The following IFT172 variants were observed in gnomAD, a reference collection of about 807,000 sequenced individuals.
IFT172 encodes the protein intraflagellar transport 172.
Under a neutral mutation model 248.9 loss-of-function variants are expected in IFT172, and 164 were observed. The observed-to-expected ratio is 0.66, with a 90% confidence interval of 0.58 to 0.75. The LOEUF (loss-of-function observed/expected upper bound fraction) is 0.75, where lower values mean the gene tolerates loss of function less well. IFT172 is among the 30% of genes least tolerant of loss of function. IFT172 has a pLI of 0.00. For missense variants in IFT172, 1,950 were observed against 2,192.4 expected, an observed-to-expected ratio of 0.89 and a Z score of 2.21; for synonymous variants, 729 against 791.6, an observed-to-expected ratio of 0.92 and a Z score of 1.33.
At chr2:27,459,342 C>T in intron 25 of IFT172, 36 bp downstream of exon 25, 1 of 1,610,362 alleles carries the variant, frequency 6.2e-7, no homozygotes, top group Non-Finnish European at 8.5e-7. Context: ...TCCTCTACTG[C>T]ATTGCCTCGT....
intron 15 of IFT172, 63 bp downstream of exon 15, chr2:27,472,187 G>A (rs535734435): frequency 8.9e-7 from 1 of 1,129,364 alleles, no homozygotes; most frequent in Admixed American, 1.7e-5. Context: ...AGTCCCTGGT[G>A]GCAGCTTGTC....
At chr2:27,453,920 GCT>G in intron 33 of IFT172, 60 bp downstream of exon 33, 1 of 1,525,824 alleles carries the variant, frequency 6.6e-7, no homozygotes, top group Non-Finnish European at 8.9e-7. Context: ...GGTCAGTGTG[GCT>G]CTCTGTGGGC....
chr2:27,483,509 G>A (rs1179282028), intron 6 of IFT172, 71 bp downstream of exon 6: 3 of 1,524,844 alleles, frequency 2.0e-6, no homozygotes, highest in Non-Finnish European at 2.7e-6. Flanking sequence ...CTATGGTCTT[G>A]CAGTCCAGAC....
rs201062489 is a variant in IFT172, at chr2:27,457,850, A to G, written c.3102T>C (p.His1034=). 3 of 1,614,102 alleles carry G rather than the reference A, an allele frequency of 1.9e-6. No individual in the cohort carries two copies. Among genetic ancestry groups the G allele is most frequent in the Non-Finnish European group, 2.5e-6 (3 of 1,180,004 alleles). The change falls in exon 28 of 48, where the codon CAT becomes CAC. Residue 1034 remains histidine (H), a synonymous_variant. Transcript: ENST00000260570. ...CAGGAGAAGGGCTCACCTTGCCCAG[A>G]TGTAGGTGTGTATCACTGAGGAGAT... The part of the protein sequence containing the change: ...HPDLLSDTHL[H]LGKELEAEGR...
At chr2:27,457,324 C>T (rs1572748794) in intron 29 of IFT172, among the ~76,000 whole-genome samples, 1 of 152,044 alleles carries the variant, frequency 6.6e-6, no homozygotes, top group Admixed American at 6.6e-5. Flanking sequence ...AATCCCAACA[C>T]TTTGGGAGGC....
At chr2:27,449,630 C>T (rs1182845101) in intron 37 of IFT172, 61 bp downstream of exon 37, 5 of 1,610,208 alleles carry the variant, frequency 3.1e-6, no homozygotes, top group Non-Finnish European at 4.2e-6. Context: ...AAGACTTTCT[C>T]CCAGTCTTTA....
intron 35 of IFT172, among the ~76,000 whole-genome samples, chr2:27,452,570 A>T (rs1423023693): frequency 1.3e-5 from 2 of 152,250 alleles, no homozygotes. Context: ...CCTAGATGGT[A>T]TAGTCTACTA....
At chr2:27,466,142 C>A in intron 16 of IFT172, 1 of 477,752 alleles carries the variant, frequency 2.1e-6, no homozygotes, top group Non-Finnish European at 3.7e-6. Context: ...TCCAGCAGTA[C>A]CATAAGAGTA....
intron 16 of IFT172, among the ~76,000 whole-genome samples, chr2:27,468,533 C>T (rs934947468): frequency 7.2e-5 from 11 of 151,946 alleles, no homozygotes; most frequent in African/African-American, 2.7e-4. Flanking sequence ...TGTGCCCGGT[C>T]CTAAAAAAGA....
At chr2:27,486,238 T>C (rs1468345572) in intron 1 of IFT172, 1 of 167,092 alleles carries the variant, frequency 6.0e-6, no homozygotes, top group Non-Finnish European at 1.5e-5. Flanking sequence ...GCAAAGGAGT[T>C]TGGGCTTATT....
At chr2:27,459,064 T>C in intron 25 of IFT172, 196 bp from the exon 26 acceptor site, 1 of 647,782 alleles carries the variant, frequency 1.5e-6, no homozygotes, top group Non-Finnish European at 2.6e-6. Flanking sequence ...AACAGTGGAA[T>C]CCAAAAGGGC....
In IFT172 at chr2:27,449,228, C is replaced by T; in HGVS notation, c.4311+66G>A. 3 of 1,590,140 alleles carry T rather than the reference C, an allele frequency of 1.9e-6. No homozygotes were observed. The African/African-American group carries it at 4.0e-5, about 21-fold the overall frequency. The stretch of plus-strand genomic sequence containing the variant: ...TTTTGTGGAGGTAGAAGAGATGCAT[C>T]TTTGAGGCAGGTGGGGAATCAAGGG... On this transcript the variant is annotated intron_variant, in intron 39 of 47. Transcript: ENST00000260570.
At chr2:27,473,178 C>G (rs1667699930) in intron 14 of IFT172, among the ~76,000 whole-genome samples, 1 of 151,444 alleles carries the variant, frequency 6.6e-6, no homozygotes, top group Non-Finnish European at 1.5e-5. Flanking sequence ...ACCAGCCTGG[C>G]CAACATGGTG....
At chr2:27,453,032 C>T (rs1572733451) in intron 35 of IFT172, 1 of 356,372 alleles carries the variant, frequency 2.8e-6, no homozygotes, top group East Asian at 7.4e-5. Context: ...CTGTCCAAGT[C>T]TTCCCTCCTT....
intron 14 of IFT172, among the ~76,000 whole-genome samples, chr2:27,473,485 T>C (rs1667737129): frequency 6.6e-6 from 1 of 150,918 alleles, no homozygotes; most frequent in Admixed American, 6.6e-5. Flanking sequence ...TAATTTTTTG[T>C]ATTTTTAGTA....
Position 27,461,373 on chromosome 2 carries a change from C to CA in IFT172, c.2337dup (p.Ala780CysfsTer38). The stretch of plus-strand genomic sequence containing the variant: ...GTCAGCACCAGCCGAGCAGCTTTGG[C>CA]AGGGAGCCCAGCTTTGAGGTAGAGG... On this transcript the variant is annotated frameshift_variant, in exon 22 of 48. Coordinates refer to ENST00000260570, the MANE Select transcript of IFT172 (RefSeq NM_015662.3). LOFTEE classifies it high-confidence loss of function. The CA allele has an allele frequency of 6.2e-7, 1 of 1,614,174 alleles. No homozygotes were observed.
intron 40 of IFT172, among the ~76,000 whole-genome samples, chr2:27,448,139 C>T (rs1157345893): frequency 6.6e-6 from 1 of 151,940 alleles, no homozygotes; most frequent in African/African-American, 2.4e-5. Flanking sequence ...TGCTCTGTTG[C>T]CCAAGGCTGG....
At chr2:27,486,738 T>C (rs1558420004) in intron 1 of IFT172, among the ~76,000 whole-genome samples, 2 of 152,218 alleles carry the variant, frequency 1.3e-5, no homozygotes, top group Non-Finnish European at 2.9e-5. Context: ...CTTTGCCCAA[T>C]TCTGGGCATT....
intron 7 of IFT172, among the ~76,000 whole-genome samples, chr2:27,482,707 T>C (rs1312198961): frequency 6.6e-6 from 1 of 152,234 alleles, no homozygotes; most frequent in Non-Finnish European, 1.5e-5. Flanking sequence ...TCTATGAATC[T>C]ACATACATAA....
Sources: allele counts gnomAD v4.1 joint callset (sites outside exome capture counted in the v4.1 genomes callset), GRCh38; gene constraint gnomAD v4.1.1; transcripts MANE v1.5; gene names NCBI Gene and HGNC (gene_info 2026-07-23, HGNC 2026-07-21).